The following FAM47E variants were observed in gnomAD, a reference collection of about 807,000 sequenced individuals.
FAM47E encodes the protein family with sequence similarity 47 member E, also known as protein FAM47E.
In FAM47E, 32 loss-of-function variants were observed where a neutral mutation model predicts 41.6. The ratio of observed to expected loss-of-function variants is 0.77; its 90% CI spans 0.58 to 1.03. FAM47E has a LOEUF of 1.03. FAM47E is among the 50% of genes least tolerant of loss of function. FAM47E has a pLI of 0.00. For synonymous variants in FAM47E, 184 were observed against 188.7 expected (o/e 0.98, Z 0.20); for missense variants, 424 against 485.4 (o/e 0.87, Z 1.19).
chr4:76,268,944 T>A, intron 4 of FAM47E, 176 bp downstream of exon 4: 1 of 727,382 alleles, frequency 1.4e-6, no homozygotes, highest in Non-Finnish European at 2.0e-6. Context: ...TTCTATTATG[T>A]ATAAATAGAA....
chr4:76,276,027 CAGACAGACAG>C (rs1735083316), intron 5 of FAM47E, among the ~76,000 whole-genome samples: 1 of 90,498 alleles, frequency 1.1e-5, no homozygotes, highest in Non-Finnish European at 2.3e-5. Flanking sequence ...GACAGACAGA[CAGACAGACAG>C]ACACACACAC....
intron 5 of FAM47E, among the ~76,000 whole-genome samples, chr4:76,277,798 C>T (rs971366084): frequency 1.2e-4 from 18 of 152,198 alleles, no homozygotes; most frequent in African/African-American, 4.3e-4. Flanking sequence ...TGATCATGGA[C>T]TCCACCTACT....
At chr4:76,247,018 T>C (rs1053505873), upstream of FAM47E, among the ~76,000 whole-genome samples, 1 of 152,126 alleles carries the variant, frequency 6.6e-6, no homozygotes, top group Non-Finnish European at 1.5e-5. Context: ...TTAATTACAT[T>C]TACAATATTA....
intron 7 of FAM47E, chr4:76,282,044 T>G (rs1036023001): frequency 1.8e-4 from 10 of 56,704 alleles, no homozygotes; most frequent in Non-Finnish European, 3.4e-4. Context: ...ACATAACATT[T>G]GTATGTAGAA....
At chr4:76,216,392 C>A (rs994564687) in intron 1 of FAM47E, among the ~76,000 whole-genome samples, 4 of 152,182 alleles carry the variant, frequency 2.6e-5, no homozygotes, top group Admixed American at 6.5e-5. Flanking sequence ...ACTTCCACCC[C>A]CTACTCTCTG....
intron 2 of FAM47E, among the ~76,000 whole-genome samples, chr4:76,218,934 C>A (rs909868593): frequency 1.3e-5 from 2 of 152,194 alleles, no homozygotes; most frequent in African/African-American, 4.8e-5. Flanking sequence ...TTACTCCTTA[C>A]AATGCCCTAT....
At position 76,256,078 on chromosome 4, in the gene FAM47E, A is replaced by G. The variant is rs149161608; in HGVS notation, c.75-100A>G. ...CTACCCCCAACCCTAAAAGCTGGAG[A>G]CCAGCCTTTTTACTACCTCCTTCTC... is the stretch of plus-strand genomic sequence containing the variant. On this transcript the variant is annotated intron_variant, in intron 1 of 7. Transcript: ENST00000424749. 2.3e-4 allele frequency: 313 copies of G among 1,344,280 alleles called. No homozygotes were observed. In the East Asian group the frequency reaches 6.8e-3, roughly 29 times the overall value. The allele number at this position is 1,344,280 out of a possible 1,614,324, so 83.3% of individuals were successfully genotyped here.
At chr4:76,276,037 G>GACACACACACAC (rs796893693) in intron 5 of FAM47E, among the ~76,000 whole-genome samples, 96 of 62,398 alleles carry the variant, frequency 1.5e-3, no homozygotes, top group African/African-American at 5.9e-3. Flanking sequence ...CAGACAGACA[G>GACACACACACAC]ACACACACAC....
chr4:76,262,542 A>G (rs1376555363), intron 2 of FAM47E, among the ~76,000 whole-genome samples: 1 of 152,198 alleles, frequency 6.6e-6, no homozygotes, highest in Non-Finnish European at 1.5e-5. Context: ...ATAGAGCTCT[A>G]ATTCATTTCA....
chr4:76,227,181 T>C (rs1733413042), intron 2 of FAM47E, among the ~76,000 whole-genome samples: 3 of 152,370 alleles, frequency 2.0e-5, no homozygotes, highest in Admixed American at 2.0e-4. Flanking sequence ...ACTTTCCTCT[T>C]AGCACCACTT....
intron 2 of FAM47E, among the ~76,000 whole-genome samples, chr4:76,221,168 G>A (rs1387489054): frequency 1.3e-5 from 2 of 152,210 alleles, no homozygotes; most frequent in Non-Finnish European, 2.9e-5. Flanking sequence ...GGCAGGGGAA[G>A]GGGACAGGCT....
chr4:76,233,268 C>T (rs36121867), intron 2 of FAM47E, among the ~76,000 whole-genome samples: 22,824 of 152,026 alleles, frequency 0.15, 2,046 homozygotes, highest in East Asian at 0.35. Context: ...GTGGTTAGTT[C>T]CATGTGTCCC....
At chr4:76,262,605 TTGTG>T (rs1167042784) in intron 2 of FAM47E, among the ~76,000 whole-genome samples, 3 of 152,196 alleles carry the variant, frequency 2.0e-5, no homozygotes, top group African/African-American at 7.2e-5. Context: ...AAAACTAACT[TTGTG>T]TGTAAGCATT....
rs1247251115 is a variant in FAM47E at position 76,237,377 on chromosome 4, G to GT, written c.81+19699dup. On this transcript the variant is annotated intron_variant, in intron 2 of 7. Coordinates refer to the FAM47E transcript ENST00000510197. ...TTTTTTTTTTTTTGTTTGTTTGTTT[G>GT]TTTTTTTTTTGGTTTACAAGGTAAA... Among the ~76,000 whole-genome samples, 56 of 142,046 alleles carry GT rather than the reference G, an allele frequency of 3.9e-4. 1 individual carries two copies. The highest frequency in any genetic ancestry group is 1.5e-3 in the South Asian group (7 of 4,544). 93.2% of individuals were successfully genotyped at this position (142,046 alleles called of 152,430 possible).
intron 4 of FAM47E, among the ~76,000 whole-genome samples, chr4:76,270,333 T>C (rs941164597): frequency 2.0e-5 from 3 of 152,170 alleles, no homozygotes; most frequent in Non-Finnish European, 4.4e-5. Context: ...TGGACTAACT[T>C]GGGGCACATG....
At chr4:76,228,369 C>T (rs557488583) in intron 2 of FAM47E, among the ~76,000 whole-genome samples, 1 of 151,892 alleles carries the variant, frequency 6.6e-6, no homozygotes, top group Admixed American at 6.6e-5. Flanking sequence ...ATCCCAGCTA[C>T]TCGGGAGGCA....
At chr4:76,235,022 CA>C (rs1733560255) in intron 2 of FAM47E, among the ~76,000 whole-genome samples, 1 of 152,144 alleles carries the variant, frequency 6.6e-6, no homozygotes, top group African/African-American at 2.4e-5. Context: ...GAAAAATAAA[CA>C]TAAAAATAAA....
intron 2 of FAM47E, among the ~76,000 whole-genome samples, chr4:76,244,799 A>C (rs950021497): frequency 2.0e-5 from 3 of 151,994 alleles, no homozygotes; most frequent in African/African-American, 7.2e-5. Flanking sequence ...CGGCCTCCCA[A>C]AGTGTTGGGA....
chr4:76,236,808 T>C (rs1442361311), intron 2 of FAM47E, among the ~76,000 whole-genome samples: 1 of 152,012 alleles, frequency 6.6e-6, no homozygotes, highest in African/African-American at 2.4e-5. Flanking sequence ...AGACAAAGGA[T>C]TGTGGAGACT....
Sources: allele counts gnomAD v4.1 joint callset (sites outside exome capture counted in the v4.1 genomes callset), GRCh38; gene constraint gnomAD v4.1.1; transcripts MANE v1.5; gene names NCBI Gene and HGNC (gene_info 2026-07-23, HGNC 2026-07-21).